The following CDK14 variants were observed in gnomAD, a reference collection of about 807,000 sequenced individuals.
CDK14 encodes cyclin dependent kinase 14.
CDK14 carries 34 observed loss-of-function variants against 60.7 expected under a neutral mutation model. That is an observed-to-expected ratio of 0.56 (90% CI 0.43 to 0.75). The LOEUF (loss-of-function observed/expected upper bound fraction) is 0.75, where lower values mean the gene tolerates loss of function less well. Ranked by LOEUF, CDK14 falls within the 30% of genes least tolerant of loss-of-function variation. The pLI, the probability that CDK14 is intolerant of heterozygous loss-of-function variation, is 0.00. For missense variants in CDK14, 482 were observed against 564.1 expected (o/e 0.85, Z 1.47); for synonymous variants, 197 against 203.7 (o/e 0.97, Z 0.28).
intron 2 of CDK14, among the ~76,000 whole-genome samples, chr7:90,682,032 A>C (rs1016325722): frequency 2.6e-5 from 4 of 152,194 alleles, no homozygotes; most frequent in African/African-American, 9.6e-5. Context: ...TATCCACTGC[A>C]TTAATAATGG....
intron 12 of CDK14, among the ~76,000 whole-genome samples, chr7:91,088,149 TGC>T (rs1267536714): frequency 6.6e-6 from 1 of 152,234 alleles, no homozygotes; most frequent in Non-Finnish European, 1.5e-5. Context: ...TAATTATCCT[TGC>T]TGTTTACAGC....
At chr7:90,866,437 G>A (rs1202125791) in intron 6 of CDK14, among the ~76,000 whole-genome samples, 1 of 151,780 alleles carries the variant, frequency 6.6e-6, no homozygotes, top group African/African-American at 2.4e-5. Context: ...CCTTTTTTGA[G>A]GGAGATACCA....
intron 14 of CDK14, among the ~76,000 whole-genome samples, chr7:91,130,901 T>C (rs1800096968): frequency 2.0e-5 from 3 of 152,088 alleles, no homozygotes; most frequent in Admixed American, 2.0e-4. Context: ...TCAGAAAGGC[T>C]TTCAGATAGC....
intron 9 of CDK14, among the ~76,000 whole-genome samples, chr7:90,958,711 A>G (rs1452488430): frequency 1.3e-5 from 2 of 152,072 alleles, no homozygotes; most frequent in African/African-American, 2.4e-5. Flanking sequence ...GCAGATATTC[A>G]TTACTTAAGA....
chr7:90,822,765 G>C (rs768003283), intron 5 of CDK14, among the ~76,000 whole-genome samples: 7 of 152,192 alleles, frequency 4.6e-5, no homozygotes, highest in Non-Finnish European at 8.8e-5. Context: ...TGCAAAGATG[G>C]ACAAAACTAA....
chr7:90,973,491 C>T (rs576088926), intron 9 of CDK14, among the ~76,000 whole-genome samples: 127 of 152,206 alleles, frequency 8.3e-4, no homozygotes, highest in African/African-American at 2.8e-3. Flanking sequence ...TCATTGCAAC[C>T]ATATTTTAAA....
At chr7:90,901,568 T>C (rs1792505660) in intron 7 of CDK14, among the ~76,000 whole-genome samples, 3 of 152,118 alleles carry the variant, frequency 2.0e-5, no homozygotes. Context: ...TGAAATGTCC[T>C]GGACAGTCTC....
At chr7:91,125,557 AAC>A (rs1799915673) in intron 14 of CDK14, among the ~76,000 whole-genome samples, 1 of 152,000 alleles carries the variant, frequency 6.6e-6, no homozygotes, top group African/African-American at 2.4e-5. Context: ...CACATACACA[AAC>A]ACACACCATT....
intron 14 of CDK14, among the ~76,000 whole-genome samples, chr7:91,149,398 C>CA (rs999891863): frequency 2.0e-5 from 3 of 152,156 alleles, no homozygotes; most frequent in African/African-American, 7.2e-5. Context: ...CCCATCCTCC[C>CA]ATGCAGGCAC....
At chr7:90,933,866 A>G (rs1328475163) in intron 8 of CDK14, among the ~76,000 whole-genome samples, 4 of 152,250 alleles carry the variant, frequency 2.6e-5, no homozygotes, top group Non-Finnish European at 5.9e-5. Flanking sequence ...GTGGACAGCA[A>G]AGCTGGAGAG....
At chr7:91,178,785 A>G (rs1385620380) in intron 14 of CDK14, among the ~76,000 whole-genome samples, 2 of 151,530 alleles carry the variant, frequency 1.3e-5, no homozygotes, top group Non-Finnish European at 3.0e-5. Flanking sequence ...TTAGAATGGC[A>G]ATCATTAAAA....
intron 8 of CDK14, among the ~76,000 whole-genome samples, chr7:90,927,471 C>A (rs1187472090): frequency 6.6e-6 from 1 of 152,032 alleles, no homozygotes. Flanking sequence ...AGGATGAAGA[C>A]CTGGGATGAA....
chr7:90,638,302 G>A lies in CDK14; in HGVS notation c.123+34053G>A, dbSNP rs180833775. 2.3e-3 allele frequency among the ~76,000 whole-genome samples: 343 copies of A among 152,122 alleles called. 1 individual carries two copies. Among genetic ancestry groups the A allele is most frequent in the East Asian group, 7.5e-3 (39 of 5,174 alleles). On this transcript the variant is annotated intron_variant, in intron 2 of 14. Transcript: ENST00000380050. ...CCTTTCCATGTTTTGTGCTTCCTTC[G>A]GGAGCTCTTTTAGGGTAGGCCTGGT...
intron 7 of CDK14, among the ~76,000 whole-genome samples, chr7:90,916,335 A>G (rs759826947): frequency 6.6e-6 from 1 of 152,220 alleles, no homozygotes; most frequent in Non-Finnish European, 1.5e-5. Context: ...CTTGACCAAC[A>G]CAGATCAGAC....
intron 6 of CDK14, among the ~76,000 whole-genome samples, chr7:90,892,848 G>A (rs1792178109): frequency 6.6e-6 from 1 of 152,108 alleles, no homozygotes; most frequent in Admixed American, 6.5e-5. Flanking sequence ...GCACGATCTT[G>A]GCTCACTGCA....
chr7:90,736,839 A>C (rs774739429), intron 3 of CDK14, among the ~76,000 whole-genome samples: 2 of 152,166 alleles, frequency 1.3e-5, no homozygotes, highest in Non-Finnish European at 2.9e-5. Flanking sequence ...TGCTCTTCAC[A>C]TACAGGCCAT....
At chr7:91,068,716 G>A (rs1798049381) in intron 11 of CDK14, among the ~76,000 whole-genome samples, 1 of 148,700 alleles carries the variant, frequency 6.7e-6, no homozygotes, top group Non-Finnish European at 1.5e-5. Context: ...TCTCTCTCCT[G>A]GACAGTAATA....
chr7:90,750,977 C>G (rs1803818752), intron 4 of CDK14, among the ~76,000 whole-genome samples: 1 of 152,006 alleles, frequency 6.6e-6, no homozygotes, highest in Admixed American at 6.6e-5. Flanking sequence ...CTTCTTAACC[C>G]AGACAAAAAT....
At chr7:90,875,097 G>A (rs1791514255) in intron 6 of CDK14, among the ~76,000 whole-genome samples, 1 of 152,048 alleles carries the variant, frequency 6.6e-6, no homozygotes, top group Non-Finnish European at 1.5e-5. Flanking sequence ...TCATATAAAT[G>A]GAATCATAAT....
Sources: gnomAD v4.1 joint callset for allele counts (sites outside exome capture counted in the v4.1 genomes callset) on GRCh38, gnomAD v4.1.1 for gene constraint, MANE v1.5 for transcripts, NCBI Gene and HGNC (gene_info 2026-07-23, HGNC 2026-07-21) for gene names.